Variants in WWOX observed in about 807,000 individuals in gnomAD.
The protein encoded by WWOX is WW domain containing oxidoreductase, also known as WW domain-containing oxidoreductase.
In WWOX, 69 loss-of-function variants were observed where a neutral mutation model predicts 46.2. That is an observed-to-expected ratio of 1.49 (90% CI 1.23 to 1.82). WWOX has a LOEUF of 1.82. Among genes scored for constraint, WWOX ranks in the 40% most tolerant of loss-of-function variants. WWOX has a pLI of 0.00. For missense variants in WWOX, 919 were observed against 542.6 expected, an observed-to-expected ratio of 1.69 and a Z score of -6.89; for synonymous variants, 359 against 202.6, an observed-to-expected ratio of 1.77 and a Z score of -6.56.
intron 8 of WWOX, among the ~76,000 whole-genome samples, chr16:78,708,068 A>G (rs974349548): frequency 3.3e-5 from 5 of 151,900 alleles, no homozygotes; most frequent in African/African-American, 1.2e-4. Flanking sequence ...GCTCACACTT[A>G]TAATCCCAGC....
At chr16:78,539,857 T>C (rs751226582) in intron 8 of WWOX, among the ~76,000 whole-genome samples, 18 of 152,180 alleles carry the variant, frequency 1.2e-4, no homozygotes, top group Middle Eastern at 3.2e-3. Context: ...TTACTGTACC[T>C]CTATTGGGAA....
rs769956068 is a variant in WWOX at position 79,100,255 on chromosome 16, T to C, written c.1057-111353T>C. On this transcript the variant is annotated intron_variant, in intron 8 of 8. Transcript: ENST00000566780. ...TTAAAAAAAAGATACCCACCAAAGATAAATAAGATCAAGATTAGAATGTCT... is the reference window on the plus strand; with the variant it reads ...TTAAAAAAAAGATACCCACCAAAGACAAATAAGATCAAGATTAGAATGTCT... Among the ~76,000 whole-genome samples the C allele has an allele frequency of 1.7e-4, 26 of 152,148 alleles. 1 individual carries two copies. Among genetic ancestry groups the C allele is most frequent in the Non-Finnish European group, 2.1e-4 (14 of 68,010 alleles).
At chr16:78,917,556 C>G (rs1298948213) in intron 8 of WWOX, among the ~76,000 whole-genome samples, 2 of 151,982 alleles carry the variant, frequency 1.3e-5, no homozygotes, top group Admixed American at 6.6e-5. Flanking sequence ...ATTCCTAACC[C>G]CCAACCACTG....
chr16:78,677,447 A>C (rs1241926641), intron 8 of WWOX, among the ~76,000 whole-genome samples: 1 of 152,104 alleles, frequency 6.6e-6, no homozygotes, highest in Non-Finnish European at 1.5e-5. Context: ...GAAGTTTCAC[A>C]AAAAAAATTC....
At chr16:78,988,288 G>A (rs1186210255) in intron 8 of WWOX, among the ~76,000 whole-genome samples, 1 of 151,268 alleles carries the variant, frequency 6.6e-6, no homozygotes, top group Non-Finnish European at 1.5e-5. Flanking sequence ...AGGTTGCAGT[G>A]AGCCAAGATC....
chr16:78,880,452 G>C (rs1023059409), intron 8 of WWOX, among the ~76,000 whole-genome samples: 3 of 152,122 alleles, frequency 2.0e-5, no homozygotes, highest in African/African-American at 7.2e-5. Context: ...AAAGTATATA[G>C]CTGCTTTCCT....
At chr16:79,080,961 T>C (rs575220818) in intron 8 of WWOX, among the ~76,000 whole-genome samples, 2 of 152,194 alleles carry the variant, frequency 1.3e-5, no homozygotes, top group African/African-American at 2.4e-5. Context: ...TGTAGTTAGA[T>C]AGTGATGAAA....
At chr16:78,242,519 A>T (rs1184340369) in intron 5 of WWOX, among the ~76,000 whole-genome samples, 1 of 152,192 alleles carries the variant, frequency 6.6e-6, no homozygotes, top group African/African-American at 2.4e-5. Flanking sequence ...GGTCTGACCA[A>T]ATGTAACATT....
At position 78,919,853 on chromosome 16, in the gene WWOX, C is replaced by T. The variant is rs1032485764; in HGVS notation, c.1057-291755C>T. Among the ~76,000 whole-genome samples, 2 of 152,116 alleles carry T rather than the reference C, an allele frequency of 1.3e-5. 1 individual carries two copies. Among genetic ancestry groups the T allele is most frequent in the South Asian group, 4.1e-4 (2 of 4,824 alleles). On this transcript the variant is annotated intron_variant, in intron 8 of 8. Coordinates refer to ENST00000566780, the MANE Select transcript of WWOX (RefSeq NM_016373.4). ...TTCTTATGTGGGGATCCTGGAGACA[C>T]AGTGTGTGCCAAAGCGTCTGCAGAC...
chr16:78,247,081 G>C (rs1000623890), intron 5 of WWOX, among the ~76,000 whole-genome samples: 1 of 152,106 alleles, frequency 6.6e-6, no homozygotes, highest in African/African-American at 2.4e-5. Context: ...ATGTTTACGT[G>C]TTTGCTGCTC....
chr16:78,948,072 G>A (rs537226986), intron 8 of WWOX, among the ~76,000 whole-genome samples: 1 of 152,348 alleles, frequency 6.6e-6, no homozygotes, highest in South Asian at 2.1e-4. Context: ...TGTGCCGTCA[G>A]AGAGAGTTCA....
At chr16:78,554,616 T>C (rs1444929918) in intron 8 of WWOX, among the ~76,000 whole-genome samples, 2 of 152,098 alleles carry the variant, frequency 1.3e-5, no homozygotes, top group African/African-American at 4.8e-5. Flanking sequence ...CACACAAATA[T>C]ATATGTGCCT....
intron 5 of WWOX, among the ~76,000 whole-genome samples, chr16:78,262,541 C>T (rs1183685955): frequency 6.6e-6 from 1 of 152,186 alleles, no homozygotes; most frequent in African/African-American, 2.4e-5. Context: ...AGTTGACTTC[C>T]TGTGGACACC....
At chr16:78,444,634 A>C (rs1393788679) in intron 8 of WWOX, among the ~76,000 whole-genome samples, 2 of 150,850 alleles carry the variant, frequency 1.3e-5, no homozygotes, top group African/African-American at 4.9e-5. Flanking sequence ...GGGTTCAAGC[A>C]ATTCTCCTGC....
intron 8 of WWOX, among the ~76,000 whole-genome samples, chr16:78,524,084 C>G (rs551189691): frequency 1.3e-5 from 2 of 152,318 alleles, no homozygotes; most frequent in Admixed American, 6.5e-5. Context: ...AAGTCAACAT[C>G]AAATAACATG....
At chr16:78,923,607 G>A (rs191951390) in intron 8 of WWOX, among the ~76,000 whole-genome samples, 17 of 151,954 alleles carry the variant, frequency 1.1e-4, no homozygotes, top group African/African-American at 2.4e-4. Flanking sequence ...ATCTCTTGGC[G>A]GGTGGGGGGA....
intron 8 of WWOX, among the ~76,000 whole-genome samples, chr16:78,919,113 T>C (rs965749453): frequency 2.0e-5 from 3 of 152,150 alleles, no homozygotes; most frequent in African/African-American, 7.2e-5. Context: ...TCACTTGAGA[T>C]CCTACTAAAC....
chr16:78,186,403 C>A (rs572850411), intron 5 of WWOX, among the ~76,000 whole-genome samples: 13 of 152,134 alleles, frequency 8.5e-5, no homozygotes, highest in Non-Finnish European at 1.9e-4. Context: ...ACAGTTTAAC[C>A]TGACAGTTGA....
At position 78,785,648 on chromosome 16, in the gene WWOX, T is replaced by C. The variant is rs1333076957; in HGVS notation, c.1056+352896T>C. On this transcript the variant is annotated intron_variant, in intron 8 of 8. Transcript: ENST00000566780. ...GCTTCTGATTTTTGCTGCGCTATTA[T>C]ATCCATTACAAAACCATTGTTGCAG... is the stretch of plus-strand genomic sequence containing the variant. 3.3e-5 allele frequency among the ~76,000 whole-genome samples: 5 copies of C among 152,250 alleles called. No individual in the cohort carries two copies. In the East Asian group the frequency reaches 7.7e-4, roughly 23 times the overall value.
Sources: allele counts gnomAD v4.1 joint callset (sites outside exome capture counted in the v4.1 genomes callset), GRCh38; gene constraint gnomAD v4.1.1; transcripts MANE v1.5; gene names NCBI Gene and HGNC (gene_info 2026-07-23, HGNC 2026-07-21).